Variants in FAM135B observed in about 807,000 individuals in gnomAD.
The protein encoded by FAM135B is protein FAM135B.
A neutral mutation model predicts 127.7 loss-of-function variants in FAM135B; 43 were observed. The observed-to-expected ratio is 0.34, with a 90% CI of 0.26 to 0.43. The LOEUF (loss-of-function observed/expected upper bound fraction) is 0.43. FAM135B is among the 20% of genes least tolerant of loss of function. FAM135B has a pLI of 1.00. For missense variants in FAM135B, 1,558 were observed against 1,725.6 expected, an observed-to-expected ratio of 0.90 and a Z score of 1.72; for synonymous variants, 670 against 665.1, an observed-to-expected ratio of 1.01 and a Z score of -0.11.
At chr8:138,262,903 GA>G (rs71316332) in intron 4 of FAM135B, among the ~76,000 whole-genome samples, 40 of 95,358 alleles carry the variant, frequency 4.2e-4, no homozygotes, top group Middle Eastern at 6.2e-3. Flanking sequence ...CTCTGTCTCA[GA>G]AAAAAAAAAA....
intron 6 of FAM135B, among the ~76,000 whole-genome samples, chr8:138,246,742 C>T (rs1821318480): frequency 6.6e-6 from 1 of 152,170 alleles, no homozygotes; most frequent in South Asian, 2.1e-4. Context: ...CACCATCCCC[C>T]AGACTCCAGA....
rs776681450 is a variant in FAM135B, at chr8:138,178,540, G to A, written c.1024C>T (p.Leu342=). ...CACAGCAGTTGGCCACTCACCCTCA[G>A]GGTGTGGTGTTCCTGGGTGAGATAA... ...TTYLTQEHHT[L]RVRRFSEAFF... is the part of the protein sequence containing the mutation. The change falls in exon 10 of 20, where the codon CTG becomes TTG. Residue 342 remains leucine, a synonymous_variant. Coordinates refer to ENST00000395297, the MANE Select transcript of FAM135B (RefSeq NM_015912.4). 1.9e-6 allele frequency: 3 copies of A among 1,613,708 alleles called. No homozygotes were observed. In the East Asian group the frequency reaches 6.7e-5, roughly 36 times the overall value.
chr8:138,305,659 T>C (rs1321278661), intron 3 of FAM135B, among the ~76,000 whole-genome samples: 1 of 152,220 alleles, frequency 6.6e-6, no homozygotes, highest in Non-Finnish European at 1.5e-5. Flanking sequence ...TTCAATTAAT[T>C]AACATTCATC....
chr8:138,155,236 A>T (rs1442555222), intron 12 of FAM135B, among the ~76,000 whole-genome samples: 1 of 152,210 alleles, frequency 6.6e-6, no homozygotes, highest in Non-Finnish European at 1.5e-5. Context: ...TTTACAGACA[A>T]GCAAATGCTG....
At chr8:138,253,853 C>G (rs1297937035) in intron 5 of FAM135B, among the ~76,000 whole-genome samples, 1 of 152,206 alleles carries the variant, frequency 6.6e-6, no homozygotes, top group Non-Finnish European at 1.5e-5. Context: ...CTAATGTCCA[C>G]CCCAGGATAT....
At chr8:138,452,116 C>T (rs942947224) in intron 1 of FAM135B, among the ~76,000 whole-genome samples, 1 of 150,382 alleles carries the variant, frequency 6.6e-6, no homozygotes, top group Non-Finnish European at 1.5e-5. Flanking sequence ...TTTCATCCAC[C>T]CAATCTGCTT....
rs1055940013 is a variant in FAM135B at position 138,141,680 on chromosome 8, G to A, written c.3639-331C>T. 2.0e-5 allele frequency among the ~76,000 whole-genome samples: 3 copies of A among 152,152 alleles called. No homozygotes were observed. The highest frequency in any genetic ancestry group is 4.4e-5 in the Non-Finnish European group (3 of 68,038). The stretch of plus-strand genomic sequence containing the variant: ...TTCCTGAAATGCACCTCTGAGCATT[G>A]AAATCTCCTGGTCATTCACAGGATC... On this transcript the variant is annotated intron_variant, in intron 16 of 19. Transcript: ENST00000395297. The surrounding 1 kb of genome is among the most constrained non-coding windows in gnomAD (Gnocchi z 4.7).
intron 1 of FAM135B, among the ~76,000 whole-genome samples, chr8:138,480,141 T>C (rs1814718543): frequency 6.6e-6 from 1 of 152,230 alleles, no homozygotes; most frequent in Non-Finnish European, 1.5e-5. Flanking sequence ...AGTTGAGCAC[T>C]GGCTCCACCA....
At chr8:138,246,176 G>T (rs1312103487) in intron 6 of FAM135B, among the ~76,000 whole-genome samples, 3 of 152,086 alleles carry the variant, frequency 2.0e-5, no homozygotes, top group African/African-American at 4.8e-5. Context: ...CAATAAAAAA[G>T]AAAAATCCAT....
intron 7 of FAM135B, among the ~76,000 whole-genome samples, chr8:138,220,177 T>C (rs749397744): frequency 4.6e-5 from 7 of 151,992 alleles, no homozygotes; most frequent in Non-Finnish European, 1.0e-4. Context: ...AAAGCAGGTA[T>C]ATAACTTGAA....
chr8:138,227,845 T>C (rs923524922), intron 7 of FAM135B, among the ~76,000 whole-genome samples: 1 of 152,058 alleles, frequency 6.6e-6, no homozygotes, highest in Non-Finnish European at 1.5e-5. Flanking sequence ...CTAGGCATTA[T>C]GTTGTACAAC....
chr8:138,201,590 G>C (rs1254720852), intron 7 of FAM135B, among the ~76,000 whole-genome samples: 1 of 152,182 alleles, frequency 6.6e-6, no homozygotes, highest in Non-Finnish European at 1.5e-5. Context: ...CAGAGTCGGT[G>C]TCAGAGTGGA....
upstream of FAM135B, among the ~76,000 whole-genome samples, chr8:138,497,514 C>A (rs1368111320): frequency 1.3e-5 from 2 of 152,108 alleles, no homozygotes; most frequent in Non-Finnish European, 1.5e-5. Context: ...TGCAGATATC[C>A]GGGGGCGGGG....
chr8:138,494,255 C>T (rs991885349), intron 1 of FAM135B, among the ~76,000 whole-genome samples: 1 of 152,200 alleles, frequency 6.6e-6, no homozygotes, highest in Admixed American at 6.5e-5. Context: ...CTGCAGCCTA[C>T]GTCTGCACAG....
intron 1 of FAM135B, among the ~76,000 whole-genome samples, chr8:138,456,867 GA>G (rs1191928049): frequency 6.6e-6 from 1 of 152,050 alleles, no homozygotes; most frequent in East Asian, 1.9e-4. Flanking sequence ...GGATGGTGGA[GA>G]CAGAAACCAC....
chr8:138,259,813 A>T (rs1438550099), intron 4 of FAM135B, among the ~76,000 whole-genome samples: 1 of 152,222 alleles, frequency 6.6e-6, no homozygotes, highest in Non-Finnish European at 1.5e-5. Flanking sequence ...AGACAAAAAA[A>T]TCAGCACAGT....
chr8:138,450,361 C>T (rs1214050372), intron 1 of FAM135B: 1 of 152,190 alleles, frequency 6.6e-6, no homozygotes, highest in Admixed American at 6.6e-5. Flanking sequence ...TGGGTAAATA[C>T]TGAGGAGCAC....
At chr8:138,453,990 C>G (rs1347068748) in intron 1 of FAM135B, among the ~76,000 whole-genome samples, 4 of 151,910 alleles carry the variant, frequency 2.6e-5, no homozygotes, top group Admixed American at 6.6e-5. Context: ...GTGTGGCTTT[C>G]CCCAAGGTAA....
chr8:138,422,678 A>G (rs988846688), intron 1 of FAM135B, among the ~76,000 whole-genome samples: 1 of 152,220 alleles, frequency 6.6e-6, no homozygotes, highest in African/African-American at 2.4e-5. Flanking sequence ...TGTAGAAAGC[A>G]GTTTGGGTTA....
Sources: gnomAD v4.1 joint callset for allele counts (sites outside exome capture counted in the v4.1 genomes callset) on GRCh38, gnomAD v4.1.1 for gene constraint, Gnocchi (gnomAD v3.1) non-coding constraint, MANE v1.5 for transcripts, NCBI Gene and HGNC (gene_info 2026-07-23, HGNC 2026-07-21) for gene names.